TFDP2: variants seen among roughly 807,000 people sequenced by gnomAD.
TFDP2 encodes the protein transcription factor Dp-2, also known as transcription factor Dp-2 (E2F dimerization partner 2).
Under a neutral mutation model 59.3 loss-of-function variants are expected in TFDP2, and 17 were observed. The ratio of observed to expected loss-of-function variants is 0.29; its 90% CI spans 0.20 to 0.43. TFDP2 has a LOEUF of 0.43. Among genes scored for constraint, TFDP2 ranks in the 20% least tolerant of loss-of-function variants. TFDP2 has a pLI of 1.00. For synonymous variants in TFDP2, 180 were observed against 194.7 expected (o/e 0.92, Z 0.63); for missense variants, 391 against 528.8 (o/e 0.74, Z 2.56).
intron 3 of TFDP2, among the ~76,000 whole-genome samples, chr3:142,084,784 C>T (rs1186016491): frequency 1.3e-5 from 2 of 151,636 alleles, no homozygotes; most frequent in Admixed American, 6.6e-5. Flanking sequence ...CAATTGAACA[C>T]GTGGAGACAG....
At chr3:141,981,607 T>G (rs74922193) in intron 6 of TFDP2, among the ~76,000 whole-genome samples, 11,321 of 152,296 alleles carry the variant, frequency 0.074, 522 homozygotes, top group Non-Finnish European at 0.11. Context: ...CCTCACAGAC[T>G]ACTTATTTGA....
At chr3:142,090,653 TG>T (rs1448113936) in intron 3 of TFDP2, 2 of 151,584 alleles carry the variant, frequency 1.3e-5, no homozygotes, top group African/African-American at 4.9e-5. Flanking sequence ...TTCCGCCTCC[TG>T]GGTTCAAGTG....
At chr3:141,966,309 A>G (rs888420239) in intron 9 of TFDP2, among the ~76,000 whole-genome samples, 7 of 151,754 alleles carry the variant, frequency 4.6e-5, no homozygotes, top group Admixed American at 4.6e-4. Flanking sequence ...AGTAGCCGGG[A>G]CTACAGGCAC....
intron 3 of TFDP2, among the ~76,000 whole-genome samples, chr3:142,081,967 T>C (rs1021605235): frequency 2.6e-5 from 4 of 152,188 alleles, no homozygotes; most frequent in African/African-American, 9.6e-5. Flanking sequence ...CCCAAACCCC[T>C]GGGCCACAGA....
chr3:142,070,371 G>T (rs1038508804), intron 3 of TFDP2, among the ~76,000 whole-genome samples: 1 of 150,566 alleles, frequency 6.6e-6, no homozygotes, highest in Non-Finnish European at 1.5e-5. Context: ...CTAAACCCCT[G>T]GGCTCAAGCA....
intron 1 of TFDP2, among the ~76,000 whole-genome samples, chr3:142,135,090 TAC>T (rs2062673042): frequency 6.6e-6 from 1 of 152,110 alleles, no homozygotes; most frequent in African/African-American, 2.4e-5. Context: ...TTATCGCTAT[TAC>T]AGTTTTTGTT....
At chr3:142,101,597 G>T in intron 2 of TFDP2, 138 bp downstream of exon 2, 1 of 538,764 alleles carries the variant, frequency 1.9e-6, no homozygotes, top group Non-Finnish European at 3.1e-6. Flanking sequence ...CTCATATTCT[G>T]CATAAACATA....
chr3:141,985,786 A>T (rs1251061189), intron 6 of TFDP2, among the ~76,000 whole-genome samples: 1 of 152,218 alleles, frequency 6.6e-6, no homozygotes, highest in African/African-American at 2.4e-5. Context: ...AAAATTAAAA[A>T]CATTTGTGCC....
intron 11 of TFDP2, among the ~76,000 whole-genome samples, chr3:141,955,565 T>C (rs1936512489): frequency 6.6e-6 from 1 of 152,026 alleles, no homozygotes; most frequent in Non-Finnish European, 1.5e-5. Flanking sequence ...TTGCAGGGGA[T>C]GAATGGTGCC....
chr3:142,038,386 A>C (rs1485103671), intron 3 of TFDP2, among the ~76,000 whole-genome samples: 3 of 132,710 alleles, frequency 2.3e-5, no homozygotes, highest in African/African-American at 7.6e-5. Context: ...TCCATCTCAA[A>C]AAAAAAAAAA....
chr3:142,044,015 A>T, intron 3 of TFDP2: 1 of 680,882 alleles, frequency 1.5e-6, no homozygotes, highest in East Asian at 2.7e-5. Context: ...TCCGGCATCA[A>T]GCCCAGGAAT....
chr3:141,988,400 T>C (rs1416832582), intron 6 of TFDP2, among the ~76,000 whole-genome samples: 1 of 152,166 alleles, frequency 6.6e-6, no homozygotes, highest in African/African-American at 2.4e-5. Context: ...TACAAAATCC[T>C]AGATTCTCAG....
chr3:142,111,427 C>CAAA lies in TFDP2; in HGVS notation c.-92-9589_-92-9587dup, dbSNP rs80110477. Among the ~76,000 whole-genome samples the CAAA allele has an allele frequency of 2.0e-3, 122 of 60,024 alleles. 2 individuals carry two copies. Among genetic ancestry groups the CAAA allele is most frequent in the Non-Finnish European group, 3.2e-3 (95 of 29,702 alleles). 39.4% of individuals were successfully genotyped at this position (60,024 alleles called of 152,430 possible). A position where few individuals can be genotyped will look rare whatever the true frequency, so the allele number is the denominator to read the frequency against. ...TGGCCGACAGAGTTAGACTCTGTCTCAAAAAAAAAAAAAAAAAAAAAGATT... is the reference window on the plus strand; with the variant it reads ...TGGCCGACAGAGTTAGACTCTGTCTCAAAAAAAAAAAAAAAAAAAAAAAAGATT... On this transcript the variant is annotated intron_variant, in intron 1 of 12. Coordinates refer to ENST00000489671, the MANE Select transcript of TFDP2 (RefSeq NM_001178139.2).
At chr3:142,022,125 G>A (rs1191310426) in intron 3 of TFDP2, among the ~76,000 whole-genome samples, 4 of 152,208 alleles carry the variant, frequency 2.6e-5, no homozygotes, top group African/African-American at 7.2e-5. Flanking sequence ...CAAACAACTT[G>A]ATCCTCCCAA....
chr3:142,144,978 G>A (rs1378749958), intron 1 of TFDP2, among the ~76,000 whole-genome samples: 1 of 152,182 alleles, frequency 6.6e-6, no homozygotes, highest in Admixed American at 6.5e-5. Context: ...AAGAAGGAAT[G>A]GTGGCAGACT....
chr3:142,068,465 ACT>A (rs1189211461), intron 3 of TFDP2, among the ~76,000 whole-genome samples: 1 of 152,208 alleles, frequency 6.6e-6, no homozygotes, highest in African/African-American at 2.4e-5. Context: ...TGTGAAAGAC[ACT>A]GTTTTTCCAC....
chr3:142,010,210 A>C (rs1418832786), intron 3 of TFDP2, among the ~76,000 whole-genome samples: 8 of 152,216 alleles, frequency 5.3e-5, no homozygotes, highest in Non-Finnish European at 1.5e-5. Flanking sequence ...TACTCTTATA[A>C]ATCAATAAGA....
At chr3:142,063,548 T>C (rs981925107) in intron 3 of TFDP2, among the ~76,000 whole-genome samples, 2 of 152,222 alleles carry the variant, frequency 1.3e-5, no homozygotes, top group East Asian at 1.9e-4. Context: ...TCTACATTAA[T>C]CAATTGTTGA....
At chr3:142,129,049 C>T (rs2062388726) in intron 1 of TFDP2, among the ~76,000 whole-genome samples, 1 of 151,984 alleles carries the variant, frequency 6.6e-6, no homozygotes, top group Non-Finnish European at 1.5e-5. Flanking sequence ...CCTGGAGGAA[C>T]CTGTCAATAC....
Sources: allele counts gnomAD v4.1 joint callset (sites outside exome capture counted in the v4.1 genomes callset), GRCh38; gene constraint gnomAD v4.1.1; transcripts MANE v1.5; gene names NCBI Gene and HGNC (gene_info 2026-07-23, HGNC 2026-07-21).